Variants in PTPRO observed in about 807,000 individuals in gnomAD.
PTPRO encodes the protein protein tyrosine phosphatase receptor type O.
A neutral mutation model predicts 145.2 loss-of-function variants in PTPRO; 62 were observed. The ratio of observed to expected loss-of-function variants is 0.43; its 90% confidence interval spans 0.35 to 0.53. The LOEUF (loss-of-function observed/expected upper bound fraction) is 0.53. Ranked by LOEUF, PTPRO falls within the 20% of genes least tolerant of loss-of-function variation. PTPRO has a pLI of 0.01. For synonymous variants in PTPRO, 565 were observed against 514.7 expected (o/e 1.10, Z -1.32); for missense variants, 1,345 against 1,482.7 (o/e 0.91, Z 1.53).
intron 16 of PTPRO, 83 bp downstream of exon 16, chr12:15,557,606 A>T (rs1373697929): frequency 7.9e-7 from 1 of 1,271,168 alleles, no homozygotes; most frequent in Non-Finnish European, 1.1e-6. Context: ...TCCTTTGGGG[A>T]TAGTTTTGTC....
At chr12:15,410,678 G>T (rs946881751) in intron 1 of PTPRO, 10 of 152,244 alleles carry the variant, frequency 6.6e-5, no homozygotes, top group African/African-American at 2.4e-4. Flanking sequence ...AGTAAAATTT[G>T]CATCCTAATG....
At chr12:15,364,843 G>A (rs930361185) in intron 1 of PTPRO, among the ~76,000 whole-genome samples, 1 of 152,098 alleles carries the variant, frequency 6.6e-6, no homozygotes. Context: ...CCCATTAATT[G>A]AACAACACAA....
Position 15,596,829 on chromosome 12 carries a change from T to A in PTPRO, c.*756T>A, listed in dbSNP as rs1252564890. 2 of 152,660 alleles carry A rather than the reference T, an allele frequency of 1.3e-5. No homozygotes were observed. Among genetic ancestry groups the A allele is most frequent in the Non-Finnish European group, 2.9e-5 (2 of 68,042 alleles). The allele number at this position is 152,660 out of a possible 1,614,324, so 9.5% of individuals were successfully genotyped here. A position where few individuals can be genotyped will look rare whatever the true frequency, so the allele number is the denominator to read the frequency against. On this transcript the variant is annotated 3_prime_UTR_variant, in exon 27 of 27. Coordinates refer to ENST00000281171, the MANE Select transcript of PTPRO (RefSeq NM_030667.3). ...TTCCTTGGCCCTTTTGGACTAATGT[T>A]ACTGTCCAAGTTCTTTCTCAAGAAA...
intron 1 of PTPRO, among the ~76,000 whole-genome samples, chr12:15,380,667 G>T (rs1409312004): frequency 6.6e-6 from 1 of 152,106 alleles, no homozygotes; most frequent in East Asian, 1.9e-4. Context: ...ATCTGATGAG[G>T]TGATTAAGTA....
intron 1 of PTPRO, among the ~76,000 whole-genome samples, chr12:15,329,808 G>A (rs1866554295): frequency 1.3e-5 from 2 of 152,216 alleles, no homozygotes; most frequent in Non-Finnish European, 2.9e-5. Flanking sequence ...AATGTGGGCT[G>A]CTAGAGGAGA....
At chr12:15,384,296 A>G (rs1234456866) in intron 1 of PTPRO, among the ~76,000 whole-genome samples, 2 of 152,176 alleles carry the variant, frequency 1.3e-5, no homozygotes, top group African/African-American at 4.8e-5. Flanking sequence ...CTGGATTATT[A>G]TAAATTTTTA....
chr12:15,384,571 A>G (rs1406735069), intron 1 of PTPRO, among the ~76,000 whole-genome samples: 1 of 152,106 alleles, frequency 6.6e-6, no homozygotes, highest in African/African-American at 2.4e-5. Context: ...AAGGCCACCA[A>G]TTTTATCAAA....
In PTPRO at chr12:15,524,845, A is replaced by C; in HGVS notation, c.1923A>C (p.Glu641Asp). 1 of 1,613,672 alleles carries C rather than the reference A, an allele frequency of 6.2e-7. No homozygotes were observed. ...APVAPEITSV[E>D]YFNSLLYISW... is the part of the protein sequence containing the mutation. ...TGGCTCCGGAAATCACTTCTGTGGA[A>C]TATTTCAACAGTCTGTTATATATCA... The change falls in exon 11 of 27, where the codon GAA becomes GAC. Residue 641 changes from glutamate to aspartate, a missense_variant. Physicochemically the swap from Glu to Asp is conservative, Grantham distance 45 (BLOSUM62 2). Coordinates refer to ENST00000281171, the MANE Select transcript of PTPRO (RefSeq NM_030667.3).
intron 1 of PTPRO, among the ~76,000 whole-genome samples, chr12:15,356,741 A>C (rs540444178): frequency 6.6e-6 from 1 of 152,338 alleles, no homozygotes; most frequent in South Asian, 2.1e-4. Flanking sequence ...ATATGGATGA[A>C]ATAGGATCAT....
chr12:15,574,086 C>G (rs544720834), intron 19 of PTPRO, among the ~76,000 whole-genome samples: 1 of 152,292 alleles, frequency 6.6e-6, no homozygotes, highest in Non-Finnish European at 1.5e-5. Context: ...TGAGAAATCA[C>G]ATCATTTATA....
chr12:15,533,656 T>G (rs1041821969), intron 12 of PTPRO, among the ~76,000 whole-genome samples: 4 of 152,150 alleles, frequency 2.6e-5, no homozygotes, highest in African/African-American at 9.7e-5. Flanking sequence ...TTGTGTGTGT[T>G]TGTGTGTGTT....
At chr12:15,402,355 T>G (rs966615886) in intron 1 of PTPRO, among the ~76,000 whole-genome samples, 3 of 151,082 alleles carry the variant, frequency 2.0e-5, no homozygotes, top group Non-Finnish European at 4.4e-5. Context: ...GCCACTGTAC[T>G]CCAGGCTGGA....
intron 1 of PTPRO, among the ~76,000 whole-genome samples, chr12:15,348,931 T>G (rs1937694504): frequency 6.6e-6 from 1 of 152,232 alleles, no homozygotes; most frequent in Non-Finnish European, 1.5e-5. Context: ...TATATTTGTA[T>G]AAATTTGTTG....
chr12:15,498,589 T>C (rs1942155438), intron 3 of PTPRO, among the ~76,000 whole-genome samples: 1 of 152,158 alleles, frequency 6.6e-6, no homozygotes, highest in South Asian at 2.1e-4. Context: ...GAATGAAATA[T>C]ATGCAGTGAA....
At chr12:15,339,414 A>G (rs1366724330) in intron 1 of PTPRO, among the ~76,000 whole-genome samples, 5 of 152,168 alleles carry the variant, frequency 3.3e-5, no homozygotes, top group African/African-American at 4.8e-5. Flanking sequence ...TAATGCTGCA[A>G]AGGGAAACAT....
chr12:15,384,666 G>A (rs1004239715), intron 1 of PTPRO, among the ~76,000 whole-genome samples: 1 of 152,140 alleles, frequency 6.6e-6, no homozygotes, highest in Non-Finnish European at 1.5e-5. Context: ...TTGGGGGTTA[G>A]GGCTTCAACA....
chr12:15,334,245 C>A (rs937816633), intron 1 of PTPRO, among the ~76,000 whole-genome samples: 1 of 152,072 alleles, frequency 6.6e-6, no homozygotes. Context: ...AGATACCTCA[C>A]GGAAATTTTA....
At chr12:15,408,872 A>G (rs1939718912) in intron 1 of PTPRO, among the ~76,000 whole-genome samples, 2 of 152,166 alleles carry the variant, frequency 1.3e-5, no homozygotes, top group South Asian at 2.1e-4. Context: ...TGAAGTATAG[A>G]TATAAACATT....
chr12:15,582,717 T>C (rs1944348016), intron 23 of PTPRO, among the ~76,000 whole-genome samples: 1 of 152,224 alleles, frequency 6.6e-6, no homozygotes, highest in African/African-American at 2.4e-5. Flanking sequence ...TTGTTTTGTT[T>C]TTTTTCTTGT....
Sources: allele counts gnomAD v4.1 joint callset (sites outside exome capture counted in the v4.1 genomes callset), GRCh38; gene constraint gnomAD v4.1.1; transcripts MANE v1.5; gene names NCBI Gene and HGNC (gene_info 2026-07-23, HGNC 2026-07-21).